The following ST8SIA5 variants were observed in gnomAD, a reference collection of about 807,000 sequenced individuals.
ST8SIA5 encodes alpha-2,8-sialyltransferase 8E.
In ST8SIA5, 24 loss-of-function variants were observed where a neutral mutation model predicts 40.2. The ratio of observed to expected loss-of-function variants is 0.60; its 90% CI spans 0.43 to 0.84. The LOEUF is 0.84. Among genes scored for constraint, ST8SIA5 ranks in the 40% least tolerant of loss-of-function variants. The pLI is 0.00. For missense variants in ST8SIA5, 465 were observed against 498.5 expected (o/e 0.93, Z 0.64); for synonymous variants, 198 against 201.8 (o/e 0.98, Z 0.16).
chr18:46,727,857 T>C (rs1454044229), intron 1 of ST8SIA5, among the ~76,000 whole-genome samples: 1 of 152,176 alleles, frequency 6.6e-6, no homozygotes, highest in Non-Finnish European at 1.5e-5. Context: ...ATTTTTAATA[T>C]TATTTGAGCT....
chr18:46,722,895 AAACTTT>A, intron 1 of ST8SIA5: 1 of 152,364 alleles, frequency 6.6e-6, no homozygotes, highest in East Asian at 1.9e-4. Flanking sequence ...CATGTGAAGA[AAACTTT>A]AACAGTCAGA....
chr18:46,731,952 A>G (rs2039988527), intron 1 of ST8SIA5: 1 of 152,226 alleles, frequency 6.6e-6, no homozygotes, highest in Non-Finnish European at 1.5e-5. Flanking sequence ...TGAGGGGCCC[A>G]GACAGAGAAC....
chr18:46,701,430 C>T lies in ST8SIA5; in HGVS notation c.224+3142G>A, dbSNP rs1040375308. Among the ~76,000 whole-genome samples, 21 of 152,010 alleles carry T rather than the reference C, an allele frequency of 1.4e-4. 1 individual carries two copies. The highest frequency in any genetic ancestry group is 9.2e-4 in the Admixed American group (14 of 15,246). On this transcript the variant is annotated intron_variant, in intron 2 of 6. Transcript: ENST00000315087. Reference sequence around the variant, plus strand: ...TGCTGGGATTACAGGCATGAGCTACCGCAGGGATAGGGCCTTTAAAGAGGT... The same window carrying T: ...TGCTGGGATTACAGGCATGAGCTACTGCAGGGATAGGGCCTTTAAAGAGGT...
At position 46,733,183 on chromosome 18, in the gene ST8SIA5, C is replaced by T. The variant is rs188139382; in HGVS notation, c.131+23195G>A. Among the ~76,000 whole-genome samples the T allele has an allele frequency of 2.7e-3, 406 of 152,298 alleles. 2 individuals carry two copies. The highest frequency in any genetic ancestry group is 9.3e-3 in the African/African-American group (387 of 41,562). ...GGCGGCTCAACACTGGTGGATTCAA[C>T]TTCCCACAAATTGGTGGGTAAGGTT... On this transcript the variant is annotated intron_variant, in intron 1 of 6. Transcript: ENST00000315087.
At chr18:46,700,197 A>C (rs1175616404) in intron 2 of ST8SIA5, among the ~76,000 whole-genome samples, 1 of 152,186 alleles carries the variant, frequency 6.6e-6, no homozygotes, top group Non-Finnish European at 1.5e-5. Flanking sequence ...TCAGGGAGGG[A>C]GGCATTTTCC....
rs1375411397 is a variant in ST8SIA5 at position 46,688,932 on chromosome 18, G to A, written c.312-13C>T. On this transcript the variant is annotated splice_polypyrimidine_tract_variant and intron_variant, in intron 3 of 6. Coordinates refer to ENST00000315087, the MANE Select transcript of ST8SIA5 (RefSeq NM_013305.6). ...GGACAGAGTAGACCTGCCAGGCAGGGAGACAGGCAGGAAAGACGTGATGCA... is the reference window on the plus strand; with the variant it reads ...GGACAGAGTAGACCTGCCAGGCAGGAAGACAGGCAGGAAAGACGTGATGCA... The A allele has an allele frequency of 1.9e-6, 3 of 1,604,542 alleles. No individual in the cohort carries two copies. In the African/African-American group the frequency reaches 4.0e-5, roughly 22 times the overall value.
intron 3 of ST8SIA5, among the ~76,000 whole-genome samples, chr18:46,690,138 T>C (rs1490002544): frequency 1.3e-5 from 2 of 152,208 alleles, no homozygotes; most frequent in Non-Finnish European, 2.9e-5. Context: ...ATCACTCCTA[T>C]TGAGGGATAC....
At chr18:46,730,453 T>A (rs1357736735) in intron 1 of ST8SIA5, 1 of 162,922 alleles carries the variant, frequency 6.1e-6, no homozygotes, top group Non-Finnish European at 1.3e-5. Context: ...AATGTTTGCA[T>A]AAAGAAAAGA....
chr18:46,676,582 A>C lies in ST8SIA5; in HGVS notation c.*3460T>G, dbSNP rs2039340829. 6.6e-6 allele frequency: 1 copy of C among 152,272 alleles called. No individual in the cohort carries two copies. The highest frequency in any genetic ancestry group is 2.4e-5 in the African/African-American group (1 of 41,460). The allele number at this position is 152,272 out of a possible 1,614,324, so 9.4% of individuals were successfully genotyped here. On this transcript the variant is annotated 3_prime_UTR_variant, in exon 7 of 7. Coordinates refer to ENST00000315087, the MANE Select transcript of ST8SIA5 (RefSeq NM_013305.6). ...GATTAGTGGGCAGAGCTGCCGCAGCAGCATTGCTGAAATGGTCTCAGACGC... is the reference window on the plus strand; with the variant it reads ...GATTAGTGGGCAGAGCTGCCGCAGCCGCATTGCTGAAATGGTCTCAGACGC...
chr18:46,753,795 G>A (rs56236054), intron 1 of ST8SIA5, among the ~76,000 whole-genome samples: 2,407 of 152,238 alleles, frequency 0.016, 30 homozygotes, highest in Middle Eastern at 0.024. Context: ...TGCCACAGAA[G>A]TCTCCAAACA....
At chr18:46,715,258 G>A (rs1320438117) in intron 1 of ST8SIA5, among the ~76,000 whole-genome samples, 1 of 152,220 alleles carries the variant, frequency 6.6e-6, no homozygotes, top group Non-Finnish European at 1.5e-5. Flanking sequence ...ACACAGGAGT[G>A]TGCTTCCTCC....
At chr18:46,706,066 A>G (rs1190740513) in intron 1 of ST8SIA5, among the ~76,000 whole-genome samples, 1 of 151,814 alleles carries the variant, frequency 6.6e-6, no homozygotes, top group Non-Finnish European at 1.5e-5. Context: ...TTTGTCATTA[A>G]AATAATACTG....
intron 1 of ST8SIA5, among the ~76,000 whole-genome samples, chr18:46,718,757 C>A (rs2039820149): frequency 6.6e-6 from 1 of 152,148 alleles, no homozygotes; most frequent in Non-Finnish European, 1.5e-5. Flanking sequence ...CACTTCAACA[C>A]CACACAACTA....
intron 1 of ST8SIA5, among the ~76,000 whole-genome samples, chr18:46,750,371 A>G (rs906553036): frequency 1.5e-4 from 23 of 152,192 alleles, no homozygotes; most frequent in African/African-American, 5.1e-4. Context: ...CAGCACTAAC[A>G]AAGGGGATTG....
At position 46,678,021 on chromosome 18, in the gene ST8SIA5, G is replaced by A. The variant is rs2039351540; in HGVS notation, c.*2021C>T. The A allele has an allele frequency of 6.6e-6, 1 of 152,208 alleles. No individual in the cohort carries two copies. The highest frequency in any genetic ancestry group is 1.5e-5 in the Non-Finnish European group (1 of 68,056). The allele number at this position is 152,208 out of a possible 1,614,324, so 9.4% of individuals were successfully genotyped here. ...AACTGGGTTCAATTAACCATGCAGT[G>A]GCTAGAAATCTCAGGTAACTGGAAT... On this transcript the variant is annotated 3_prime_UTR_variant, in exon 7 of 7. Transcript: ENST00000315087.
chr18:46,706,095 G>A (rs554789080), intron 1 of ST8SIA5, among the ~76,000 whole-genome samples: 1 of 151,794 alleles, frequency 6.6e-6, no homozygotes, highest in South Asian at 2.1e-4. Flanking sequence ...TAAAAGTTAT[G>A]TTTATAAATA....
rs1444311104 is a variant in ST8SIA5, at chr18:46,676,781, C to T, written c.*3261G>A. Reference sequence around the variant, plus strand: ...ATAATAATTCAATGGGTAGTCTGCACTGCATGGTGGCGTGGTGACAGGGCT... The same window carrying T: ...ATAATAATTCAATGGGTAGTCTGCATTGCATGGTGGCGTGGTGACAGGGCT... On this transcript the variant is annotated 3_prime_UTR_variant, in exon 7 of 7. Coordinates refer to ENST00000315087, the MANE Select transcript of ST8SIA5 (RefSeq NM_013305.6). The T allele has an allele frequency of 6.6e-6, 1 of 152,272 alleles. No homozygotes were observed. The highest frequency in any genetic ancestry group is 2.4e-5 in the African/African-American group (1 of 41,436). The allele number at this position is 152,272 out of a possible 1,614,324, so 9.4% of individuals were successfully genotyped here. A position where few individuals can be genotyped will look rare whatever the true frequency, so the allele number is the denominator to read the frequency against.
chr18:46,726,135 A>G (rs2144537721), intron 1 of ST8SIA5, among the ~76,000 whole-genome samples: 1 of 148,336 alleles, frequency 6.7e-6, no homozygotes, highest in South Asian at 2.2e-4. Flanking sequence ...CAGAGGCTGC[A>G]GTGAGCCGAG....
At chr18:46,746,763 C>A (rs1219331042) in intron 1 of ST8SIA5, among the ~76,000 whole-genome samples, 3 of 89,584 alleles carry the variant, frequency 3.3e-5, no homozygotes, top group Admixed American at 1.0e-4. Context: ...ATTGCCAAGA[C>A]AATCCTAAGC....
Sources: allele counts gnomAD v4.1 joint callset (sites outside exome capture counted in the v4.1 genomes callset), GRCh38; gene constraint gnomAD v4.1.1; transcripts MANE v1.5; gene names NCBI Gene and HGNC (gene_info 2026-07-23, HGNC 2026-07-21).